The following SEMA3C variants were observed in gnomAD, a reference collection of about 807,000 sequenced individuals.
SEMA3C encodes semaphorin 3C.
Under a neutral mutation model 89.4 loss-of-function variants are expected in SEMA3C, and 47 were observed. The ratio of observed to expected loss-of-function variants is 0.53; its 90% CI spans 0.42 to 0.67. SEMA3C has a LOEUF of 0.67. SEMA3C is among the 30% of genes least tolerant of loss of function. The probability of loss-of-function intolerance (pLI) is 0.00; values close to 1 mark genes in which losing one functional copy is unlikely to be tolerated. For synonymous variants in SEMA3C, 310 were observed against 320.2 expected (o/e 0.97, Z 0.34); for missense variants, 839 against 929.1 (o/e 0.90, Z 1.26).
At chr7:80,832,487 T>A (rs1032221443) in intron 2 of SEMA3C, among the ~76,000 whole-genome samples, 19 of 152,192 alleles carry the variant, frequency 1.2e-4, no homozygotes, top group Non-Finnish European at 2.8e-4. Flanking sequence ...ACAACCATAC[T>A]GGCCCCATTC....
At chr7:80,884,542 A>C (rs1791427584) in intron 2 of SEMA3C, among the ~76,000 whole-genome samples, 1 of 152,230 alleles carries the variant, frequency 6.6e-6, no homozygotes, top group Non-Finnish European at 1.5e-5. Flanking sequence ...AGTGAAGATA[A>C]GTAGCAAATA....
intron 15 of SEMA3C, among the ~76,000 whole-genome samples, chr7:80,757,664 C>A (rs1451511609): frequency 1.3e-5 from 2 of 152,114 alleles, no homozygotes; most frequent in Admixed American, 1.3e-4. Flanking sequence ...TAAGGCTACA[C>A]TAAAGCATAT....
chr7:80,916,261 C>A (rs953770612), intron 2 of SEMA3C, among the ~76,000 whole-genome samples: 30 of 152,086 alleles, frequency 2.0e-4, no homozygotes, highest in Admixed American at 1.7e-3. Context: ...GAGACTAATG[C>A]CCAAAAAATT....
intron 11 of SEMA3C, chr7:80,793,622 A>G (rs964565628): frequency 5.6e-6 from 2 of 354,130 alleles, no homozygotes; most frequent in East Asian, 1.6e-4. Flanking sequence ...CTCAAGAGGC[A>G]ATATTTTTAA....
intron 17 of SEMA3C, among the ~76,000 whole-genome samples, chr7:80,748,600 A>T (rs1279043384): frequency 5.3e-5 from 8 of 152,058 alleles, no homozygotes; most frequent in African/African-American, 1.9e-4. Context: ...TGGCTTCTGG[A>T]TTTGCACACA....
At chr7:80,813,070 G>A (rs1789509002) in intron 5 of SEMA3C, among the ~76,000 whole-genome samples, 1 of 150,646 alleles carries the variant, frequency 6.6e-6, no homozygotes, top group Non-Finnish European at 1.5e-5. Flanking sequence ...GCCTCCCAAA[G>A]TGCTGGGATT....
chr7:80,910,062 A>G (rs530722025), intron 2 of SEMA3C, among the ~76,000 whole-genome samples: 2 of 152,262 alleles, frequency 1.3e-5, no homozygotes, highest in East Asian at 3.9e-4. Flanking sequence ...ATTTTGTAAC[A>G]TACATTTGCA....
chr7:80,790,227 T>C (rs943830001), intron 11 of SEMA3C, among the ~76,000 whole-genome samples: 12 of 151,962 alleles, frequency 7.9e-5, no homozygotes, highest in Admixed American at 2.0e-4. Flanking sequence ...GAGGCTGCTG[T>C]GAACTGTGAT....
chr7:80,909,186 T>A (rs1361368429), intron 2 of SEMA3C, among the ~76,000 whole-genome samples: 2 of 152,134 alleles, frequency 1.3e-5, no homozygotes, highest in African/African-American at 4.8e-5. Flanking sequence ...TATAAGGAAA[T>A]AAGTTTTTCC....
At chr7:80,825,350 C>T (rs890853191) in intron 4 of SEMA3C, among the ~76,000 whole-genome samples, 8 of 152,028 alleles carry the variant, frequency 5.3e-5, no homozygotes, top group Admixed American at 3.3e-4. Flanking sequence ...CCTGTCCAGC[C>T]GAGTCCTAAA....
At chr7:80,916,950 G>A in intron 1 of SEMA3C, 131 bp from the exon 2 acceptor site, 1 of 629,548 alleles carries the variant, frequency 1.6e-6, no homozygotes, top group Non-Finnish European at 2.6e-6. Context: ...CAAACAGTAG[G>A]AGGTGCTGTG....
At chr7:80,902,822 T>C (rs747632754) in intron 2 of SEMA3C, among the ~76,000 whole-genome samples, 2 of 152,188 alleles carry the variant, frequency 1.3e-5, no homozygotes, top group Non-Finnish European at 2.9e-5. Flanking sequence ...TCCTTGTGTG[T>C]TGTTGAGTAT....
chr7:80,764,981 C>A (rs1788263997), intron 13 of SEMA3C, among the ~76,000 whole-genome samples, 174 bp downstream of exon 13: 1 of 152,160 alleles, frequency 6.6e-6, no homozygotes. Context: ...AAATACTTTG[C>A]AAAAATATTT....
intron 2 of SEMA3C, among the ~76,000 whole-genome samples, chr7:80,867,277 T>G (rs1156406097): frequency 6.6e-6 from 1 of 152,062 alleles, no homozygotes; most frequent in Non-Finnish European, 1.5e-5. Flanking sequence ...CTTTTTAACT[T>G]TTTTTTAGAG....
intron 2 of SEMA3C, among the ~76,000 whole-genome samples, chr7:80,892,277 CATTAAT>C (rs1350021118): frequency 3.9e-5 from 6 of 152,100 alleles, no homozygotes; most frequent in Admixed American, 2.6e-4. Flanking sequence ...GTTAAATGCA[CATTAAT>C]ATTTTCCTGG....
intron 12 of SEMA3C, among the ~76,000 whole-genome samples, chr7:80,778,305 C>G (rs1209310971): frequency 1.3e-5 from 2 of 152,070 alleles, no homozygotes; most frequent in Admixed American, 1.3e-4. Context: ...ACTGACACAC[C>G]TTCAATAATG....
rs1462822179 is a variant in SEMA3C at position 80,744,998 on chromosome 7, G to A, written c.2152C>T (p.Gln718Ter). The A allele has an allele frequency of 1.2e-6, 2 of 1,613,916 alleles. No individual in the cohort carries two copies. The highest frequency in any genetic ancestry group is 8.5e-7 in the Non-Finnish European group (1 of 1,179,972). Reference protein sequence around the residue: ...YCKDTRQQHQQGDESQKMRGD... With the variant: ...YCKDTRQQHQ ...CTCATTTTCTGTGATTCATCTCCCT[G>A]CTGATGTTGCTGCCGAGTGTCTTTG... is the stretch of plus-strand genomic sequence containing the variant. Residue 718 changes from glutamine (Q) to a stop codon, truncating the protein, a stop_gained, in exon 18 of 18, where the codon CAG (glutamine) becomes TAG (stop). Transcript: ENST00000265361. LOFTEE classifies it high-confidence loss of function.
intron 12 of SEMA3C, among the ~76,000 whole-genome samples, chr7:80,775,294 T>C (rs925656171): frequency 3.9e-5 from 6 of 152,096 alleles, no homozygotes; most frequent in Admixed American, 1.3e-4. Context: ...TAGTGCCAAC[T>C]GGTTTGTAGG....
upstream of SEMA3C, chr7:80,919,129 C>T (rs1349712338): frequency 8.5e-5 from 84 of 984,580 alleles, no homozygotes; most frequent in Non-Finnish European, 9.8e-5. Flanking sequence ...GCTCCGGCTG[C>T]CCCGGCGCGC....
Sources: gnomAD v4.1 joint callset for allele counts (sites outside exome capture counted in the v4.1 genomes callset) on GRCh38, gnomAD v4.1.1 for gene constraint, MANE v1.5 for transcripts, NCBI Gene and HGNC (gene_info 2026-07-23, HGNC 2026-07-21) for gene names.